Variants in LRRC7 observed in about 807,000 individuals in gnomAD.
LRRC7 encodes leucine-rich repeat-containing protein 7.
LRRC7 carries 23 observed loss-of-function variants against 175.7 expected under a neutral mutation model. The ratio of observed to expected loss-of-function variants is 0.13; its 90% confidence interval spans 0.09 to 0.19. The LOEUF (loss-of-function observed/expected upper bound fraction) is 0.19, where lower values mean the gene tolerates loss of function less well. LRRC7 is among the 10% of genes least tolerant of loss of function. LRRC7 has a pLI of 1.00. For synonymous variants in LRRC7, 685 were observed against 680.9 expected, an observed-to-expected ratio of 1.01 and a Z score of -0.09; for missense variants, 1,354 against 1,904.7, an observed-to-expected ratio of 0.71 and a Z score of 5.38.
chr1:69,725,736 C>T (rs1367738873), intron 2 of LRRC7, among the ~76,000 whole-genome samples: 1 of 152,180 alleles, frequency 6.6e-6, no homozygotes, highest in Non-Finnish European at 1.5e-5. Context: ...CCGTGTTTGT[C>T]TCTCAAGGCC....
intron 2 of LRRC7, among the ~76,000 whole-genome samples, chr1:69,720,958 A>G (rs190933494): frequency 6.6e-6 from 1 of 151,926 alleles, no homozygotes; most frequent in Admixed American, 6.6e-5. Flanking sequence ...CATCTCCAGA[A>G]CTCTTCAAAA....
At chr1:69,974,521 T>A (rs957649168) in intron 8 of LRRC7, among the ~76,000 whole-genome samples, 7 of 152,216 alleles carry the variant, frequency 4.6e-5, no homozygotes, top group Non-Finnish European at 8.8e-5. Context: ...GTTAATTCAC[T>A]AATTTTTAAC....
chr1:69,768,441 CCACT>C (rs1308627692), intron 3 of LRRC7, among the ~76,000 whole-genome samples: 1 of 152,102 alleles, frequency 6.6e-6, no homozygotes, highest in Non-Finnish European at 1.5e-5. Flanking sequence ...ATAACAACAC[CCACT>C]ATCACCACCA....
intron 1 of LRRC7, among the ~76,000 whole-genome samples, chr1:69,660,583 G>A (rs1186070638): frequency 6.6e-6 from 1 of 151,988 alleles, no homozygotes; most frequent in Non-Finnish European, 1.5e-5. Context: ...GATTAACTGT[G>A]GTTCTCAGGA....
chr1:70,072,974 A>G (rs1454433959), intron 23 of LRRC7, among the ~76,000 whole-genome samples: 1 of 152,238 alleles, frequency 6.6e-6, no homozygotes, highest in Non-Finnish European at 1.5e-5. Flanking sequence ...GCAGTATAAT[A>G]TAGTCTTTAA....
At chr1:69,625,627 G>A (rs1651393512) in intron 1 of LRRC7, among the ~76,000 whole-genome samples, 1 of 151,828 alleles carries the variant, frequency 6.6e-6, no homozygotes, top group African/African-American at 2.4e-5. Context: ...CACCTCACAA[G>A]TTTGGCTATA....
intron 2 of LRRC7, among the ~76,000 whole-genome samples, chr1:69,717,814 G>GAAAT (rs757658968): frequency 3.9e-5 from 1 of 25,394 alleles, no homozygotes; most frequent in African/African-American, 2.6e-4. Flanking sequence ...AAGAAAGAAA[G>GAAAT]AAAGAAAGAA....
At chr1:69,922,603 G>A (rs777739566) in intron 7 of LRRC7, among the ~76,000 whole-genome samples, 1 of 152,050 alleles carries the variant, frequency 6.6e-6, no homozygotes, top group African/African-American at 2.4e-5. Flanking sequence ...ATAATTTTGA[G>A]TGATAAATGG....
intron 7 of LRRC7, among the ~76,000 whole-genome samples, chr1:69,855,705 T>G (rs1428754626): frequency 1.3e-5 from 2 of 152,132 alleles, no homozygotes; most frequent in African/African-American, 4.8e-5. Flanking sequence ...CTCGTTGATC[T>G]GTCTAATGTT....
At chr1:69,720,945 A>G (rs1490104437) in intron 2 of LRRC7, among the ~76,000 whole-genome samples, 2 of 151,972 alleles carry the variant, frequency 1.3e-5, no homozygotes, top group Non-Finnish European at 3.0e-5. Context: ...CATCACCACC[A>G]TCCATCTCCA....
chr1:69,909,792 T>C (rs1222489723), intron 7 of LRRC7, among the ~76,000 whole-genome samples: 1 of 152,126 alleles, frequency 6.6e-6, no homozygotes, highest in East Asian at 1.9e-4. Context: ...GTGTTCTCTG[T>C]ATTTCCTGAA....
At chr1:69,795,463 A>G (rs1338825171) in intron 4 of LRRC7, among the ~76,000 whole-genome samples, 2 of 152,318 alleles carry the variant, frequency 1.3e-5, no homozygotes, top group East Asian at 3.9e-4. Flanking sequence ...GAATCTGTCA[A>G]GTGAAGAAAG....
intron 1 of LRRC7, among the ~76,000 whole-genome samples, chr1:69,611,226 A>G (rs1648674512): frequency 6.6e-6 from 1 of 151,928 alleles, no homozygotes; most frequent in African/African-American, 2.4e-5. Flanking sequence ...TTTTTTTCAT[A>G]TATCGTCAAT....
chr1:69,872,634 T>C (rs1255852996), intron 7 of LRRC7, among the ~76,000 whole-genome samples: 1 of 152,120 alleles, frequency 6.6e-6, no homozygotes, highest in African/African-American at 2.4e-5. Flanking sequence ...TTCAAGTCAA[T>C]GGTTTTTAAA....
intron 1 of LRRC7, among the ~76,000 whole-genome samples, chr1:69,578,657 T>C (rs958637844): frequency 6.1e-4 from 92 of 151,340 alleles, no homozygotes; most frequent in African/African-American, 2.0e-3. Flanking sequence ...ATGGATGAAA[T>C]TGGAAATCAT....
intron 7 of LRRC7, among the ~76,000 whole-genome samples, chr1:69,877,372 G>T (rs1307195422): frequency 6.6e-6 from 1 of 152,104 alleles, no homozygotes. Context: ...AGGATCACTT[G>T]AGGCCAAGAG....
chr1:69,867,424 C>T (rs1338971697), intron 7 of LRRC7, among the ~76,000 whole-genome samples: 6 of 152,054 alleles, frequency 3.9e-5, no homozygotes, highest in African/African-American at 4.8e-5. Flanking sequence ...CAGAGCCATA[C>T]GAAAGGATTG....
chr1:69,904,274 A>G (rs1646227505), intron 7 of LRRC7, among the ~76,000 whole-genome samples: 1 of 152,194 alleles, frequency 6.6e-6, no homozygotes, highest in African/African-American at 2.4e-5. Flanking sequence ...ATTTTTGAGT[A>G]ATTTTTTGGA....
chr1:69,867,561 A>G (rs533610145), intron 7 of LRRC7, among the ~76,000 whole-genome samples: 1 of 152,266 alleles, frequency 6.6e-6, no homozygotes, highest in South Asian at 2.1e-4. Context: ...GGAATTGAGG[A>G]GTTTAAAGAC....
Sources: gnomAD v4.1 joint callset for allele counts (sites outside exome capture counted in the v4.1 genomes callset) on GRCh38, gnomAD v4.1.1 for gene constraint, MANE v1.5 for transcripts, NCBI Gene and HGNC (gene_info 2026-07-23, HGNC 2026-07-21) for gene names.